Variants in MEF2B observed in about 807,000 individuals in gnomAD.
The protein encoded by MEF2B is myocyte-specific enhancer factor 2B.
A neutral mutation model predicts 32.2 loss-of-function variants in MEF2B; 15 were observed. The observed-to-expected ratio is 0.47, with a 90% CI of 0.31 to 0.72. MEF2B has a LOEUF of 0.72. Ranked by LOEUF, MEF2B falls within the 30% of genes least tolerant of loss-of-function variation. MEF2B has a pLI of 0.05. For missense variants in MEF2B, 441 were observed against 511.5 expected (o/e 0.86, Z 1.33); for synonymous variants, 205 against 225.6 (o/e 0.91, Z 0.82).
intron 1 of MEF2B, among the ~76,000 whole-genome samples, chr19:19,164,660 A>G (rs2060192906): frequency 1.3e-5 from 2 of 152,224 alleles, no homozygotes; most frequent in Admixed American, 1.3e-4. Context: ...CTGAAAATAC[A>G]AAAATTAGCC....
chr19:19,163,083 A>G (rs2060178418), intron 1 of MEF2B, among the ~76,000 whole-genome samples: 1 of 152,214 alleles, frequency 6.6e-6, no homozygotes, highest in African/African-American at 2.4e-5. Flanking sequence ...GGTTTGCCCA[A>G]GTCCAGGAGT....
intron 8 of MEF2B, 101 bp from the exon 9 acceptor site, chr19:19,146,123 G>C (rs1157169760): frequency 1.4e-5 from 15 of 1,057,070 alleles, no homozygotes; most frequent in Non-Finnish European, 1.9e-5. Flanking sequence ...GAGGACCCTG[G>C]GAAAGGAGGG....
intron 1 of MEF2B, among the ~76,000 whole-genome samples, chr19:19,160,269 CCT>C (rs2060150592): frequency 6.6e-6 from 1 of 151,926 alleles, no homozygotes; most frequent in East Asian, 1.9e-4. Context: ...CACACGGGGG[CCT>C]CTATTGAACT....
rs1419685912 is a variant in MEF2B, at chr19:19,156,922, T to C, written c.-29-6158A>G. 2.0e-5 allele frequency: 3 copies of C among 148,474 alleles called. No individual in the cohort carries two copies. In the Admixed American group the frequency reaches 2.0e-4, roughly 10 times the overall value. 9.2% of individuals were successfully genotyped at this position (148,474 alleles called of 1,614,324 possible). A position where few individuals can be genotyped will look rare whatever the true frequency, so the allele number is the denominator to read the frequency against. On this transcript the variant is annotated intron_variant, in intron 1 of 8. Transcript: ENST00000424583. ...CTTCCAGCTACTTGAGAGGCTGAGG[T>C]GGGAGGATTGCTTGAGGCCAGAAAT...
Position 19,147,046 on chromosome 19 carries a change from G to C in MEF2B, c.531C>G (p.Ala177=). 6.2e-7 allele frequency: 1 copy of C among 1,602,300 alleles called. No homozygotes were observed. Among genetic ancestry groups the C allele is most frequent in the South Asian group, 1.1e-5 (1 of 90,256 alleles). Residue 177 remains alanine, a synonymous_variant, in exon 5 of 9, where the codon GCC becomes GCG. Coordinates refer to ENST00000424583, the MANE Select transcript of MEF2B (RefSeq NM_001145785.2). ...PSPFRPAAPK[A]GPPGLVHPLF... is the part of the protein sequence containing the mutation. ...CTGTCCCATGCTCACCTGGGGGCCC[G>C]GCTTTGGGGGCTGCTGGTCGGAAGG...
At chr19:19,148,723 A>ATTTT (rs869186816) in intron 3 of MEF2B, among the ~76,000 whole-genome samples, 4 of 119,050 alleles carry the variant, frequency 3.4e-5, no homozygotes, top group African/African-American at 8.7e-5. Flanking sequence ...TTATTTATTT[A>ATTTT]TTTTTTGAGA....
rs1211629056 is a variant in MEF2B at position 19,145,810 on chromosome 19, C to T, written c.1094G>A (p.Gly365Asp). 1.3e-6 allele frequency: 2 copies of T among 1,536,670 alleles called. No homozygotes were observed. The highest frequency in any genetic ancestry group is 2.8e-5 in the African/African-American group (2 of 72,726). The change falls in exon 9 of 9, where the codon GGC becomes GAC. Residue 365 changes from glycine to aspartate, a missense_variant. Around this residue, in one of 2 missense-constraint regions of MEF2B, gnomAD observed 326 missense variants for 328.4 expected, o/e 0.99. Transcript: ENST00000424583. This position sits in a 1 kb window ranked among gnomAD's most constrained non-coding sequence, Gnocchi z 4.6. Reference protein sequence around the residue: ...PALRRLPLADGWPR With the variant: ...PALRRLPLADDWPR ...CCGGGTGATCTCCTACCGGGGCCAG[C>T]CGTCGGCCAAGGGCAGCCGGCGCAG...
intron 1 of MEF2B, among the ~76,000 whole-genome samples, chr19:19,163,570 C>T (rs1304167375): frequency 6.6e-6 from 1 of 152,156 alleles, no homozygotes. Flanking sequence ...CATAGAAGGC[C>T]CTCAATCACC....
intron 1 of MEF2B, among the ~76,000 whole-genome samples, chr19:19,157,780 G>A (rs1474883423): frequency 2.0e-5 from 3 of 152,190 alleles, no homozygotes; most frequent in African/African-American, 7.2e-5. Context: ...CCCAGGAGGC[G>A]GAGGTTGCAG....
chr19:19,150,382 C>G (rs1439222377), intron 2 of MEF2B, among the ~76,000 whole-genome samples: 1 of 151,990 alleles, frequency 6.6e-6, no homozygotes, highest in Non-Finnish European at 1.5e-5. Flanking sequence ...GCAAAATTAG[C>G]TGGGCTTGGT....
intron 1 of MEF2B, among the ~76,000 whole-genome samples, chr19:19,153,458 A>T (rs2060098531): frequency 6.6e-6 from 1 of 151,808 alleles, no homozygotes; most frequent in Admixed American, 6.6e-5. Flanking sequence ...TTAATTTATT[A>T]TTATTATCAT....
chr19:19,146,135 G>A, intron 8 of MEF2B, 113 bp from the exon 9 acceptor site: 1 of 999,278 alleles, frequency 1.0e-6, no homozygotes, highest in Non-Finnish European at 1.4e-6. Flanking sequence ...AAAGGAGGGG[G>A]TGGCGGTCCC....
At chr19:19,152,380 C>CAAAAAAAAAAAAAA (rs749560348) in intron 1 of MEF2B, among the ~76,000 whole-genome samples, 1 of 113,362 alleles carries the variant, frequency 8.8e-6, no homozygotes, top group Non-Finnish European at 1.8e-5. Context: ...GACTCTGTCT[C>CAAAAAAAAAAAAAA]AAAAAAAAAA....
At chr19:19,166,679 A>C (rs1211042706) in intron 1 of MEF2B, among the ~76,000 whole-genome samples, 1 of 151,578 alleles carries the variant, frequency 6.6e-6, no homozygotes, top group Non-Finnish European at 1.5e-5. Flanking sequence ...GGATGGCTTG[A>C]GCCCAGGAGT....
At chr19:19,150,142 A>AGGAG (rs2060061724) in intron 2 of MEF2B, among the ~76,000 whole-genome samples, 1 of 121,096 alleles carries the variant, frequency 8.3e-6, no homozygotes, top group East Asian at 2.9e-4. Context: ...GAAGGAGGGA[A>AGGAG]GGAGGGAGGG....
At chr19:19,162,864 C>T (rs183635254) in intron 1 of MEF2B, among the ~76,000 whole-genome samples, 7 of 152,206 alleles carry the variant, frequency 4.6e-5, no homozygotes, top group East Asian at 1.9e-4. Flanking sequence ...TTCTGAGCCT[C>T]GGTTTCCTGT....
chr19:19,157,911 C>A (rs975912683), intron 1 of MEF2B, among the ~76,000 whole-genome samples: 1 of 152,090 alleles, frequency 6.6e-6, no homozygotes, highest in Non-Finnish European at 1.5e-5. Flanking sequence ...ACTTTGGTCA[C>A]CCTGGGCAGA....
chr19:19,160,271 T>C (rs1190339218), intron 1 of MEF2B, among the ~76,000 whole-genome samples: 1 of 151,984 alleles, frequency 6.6e-6, no homozygotes, highest in Admixed American at 6.6e-5. Context: ...CACGGGGGCC[T>C]CTATTGAACT....
At chr19:19,156,606 T>G (rs1269871270) in intron 1 of MEF2B, among the ~76,000 whole-genome samples, 1 of 152,280 alleles carries the variant, frequency 6.6e-6, no homozygotes, top group Non-Finnish European at 1.5e-5. Flanking sequence ...AAGTGCAGCA[T>G]TATTTCAGTG....
Sources: allele counts gnomAD v4.1 joint callset (sites outside exome capture counted in the v4.1 genomes callset), GRCh38; gene constraint gnomAD v4.1.1; regional missense constraint gnomAD v4.1.1; non-coding constraint Gnocchi (gnomAD v3.1); transcripts MANE v1.5; gene names NCBI Gene and HGNC (gene_info 2026-07-23, HGNC 2026-07-21).